Variants in GLMN observed in about 807,000 individuals in gnomAD.
GLMN encodes the protein glomulin.
GLMN carries 75 observed loss-of-function variants against 87.8 expected under a neutral mutation model. The ratio of observed to expected loss-of-function variants is 0.85; its 90% CI spans 0.71 to 1.04. The LOEUF is 1.04. GLMN is among the 50% of genes least tolerant of loss of function. The pLI is 0.00. For synonymous variants in GLMN, 206 were observed against 221.6 expected, an observed-to-expected ratio of 0.93 and a Z score of 0.63; for missense variants, 588 against 658.8, an observed-to-expected ratio of 0.89 and a Z score of 1.18.
chr1:92,357,822 A>T, the GLMN span, among the ~76,000 whole-genome samples: 3 of 152,228 alleles, frequency 2.0e-5, no homozygotes, highest in African/African-American at 7.2e-5. Context: ...GTGAGCCACC[A>T]TACCCTGCCC....
chr1:92,369,715 G>A, the GLMN span, among the ~76,000 whole-genome samples: 4 of 152,042 alleles, frequency 2.6e-5, no homozygotes, highest in Admixed American at 6.6e-5. Flanking sequence ...AATTAAACAG[G>A]TAAGTAATTA....
At chr1:92,354,398 A>G in the GLMN span, among the ~76,000 whole-genome samples, 1 of 152,238 alleles carries the variant, frequency 6.6e-6, no homozygotes, top group South Asian at 2.1e-4. Flanking sequence ...TCCAGCATTC[A>G]TCTGCCAAGC....
chr1:92,326,713 A>C, the GLMN span, among the ~76,000 whole-genome samples: 2 of 152,304 alleles, frequency 1.3e-5, no homozygotes. Flanking sequence ...CTGCTGTGTC[A>C]TGCAGGTTGT....
At chr1:92,290,671 G>C (rs1002228109) in intron 4 of GLMN, among the ~76,000 whole-genome samples, 6 of 152,076 alleles carry the variant, frequency 3.9e-5, no homozygotes, top group African/African-American at 1.4e-4. Flanking sequence ...TGTATTTTTT[G>C]AACAGGTAAA....
intron 6 of GLMN, among the ~76,000 whole-genome samples, chr1:92,287,106 C>T (rs1648852805): frequency 6.6e-6 from 1 of 152,170 alleles, no homozygotes; most frequent in South Asian, 2.1e-4. Context: ...CTAGACTCAA[C>T]ATGCTAAGAC....
chr1:92,350,610 T>C, the GLMN span, among the ~76,000 whole-genome samples: 5 of 152,214 alleles, frequency 3.3e-5, no homozygotes, highest in African/African-American at 1.2e-4. Flanking sequence ...CTTTGATGCA[T>C]GACTTTTAAT....
At chr1:92,324,182 C>G in the GLMN span, 6 of 1,614,140 alleles carry the variant, frequency 3.7e-6, no homozygotes, top group Admixed American at 8.3e-5. Flanking sequence ...AGTCATTTCC[C>G]TGCCTGGAGG....
Position 92,291,534 on chromosome 1 carries a change from T to C in GLMN, c.169A>G (p.Ile57Val), listed in dbSNP as rs1649408850. 1.9e-6 allele frequency: 3 copies of C among 1,613,742 alleles called. No individual in the cohort carries two copies. The highest frequency in any genetic ancestry group is 1.7e-4 in the Middle Eastern group (1 of 6,060). Reference protein sequence around the residue: ...EIIQNEKNKVIIKNMGWNLVG... With the variant: ...EIIQNEKNKVVIKNMGWNLVG... ...AGATTCCAGCCCATATTCTTGATGA[T>C]GACCTGTAAAAACATTTTCAGAGTA... The change falls in exon 4 of 19, where the codon ATC becomes GTC. Residue 57 changes from isoleucine to valine, a missense_variant. Ile to Val is a conservative substitution (Grantham distance 29). Transcript: ENST00000370360.
intron 7 of GLMN, among the ~76,000 whole-genome samples, chr1:92,273,418 T>A (rs1404260431): frequency 6.6e-6 from 1 of 151,970 alleles, no homozygotes; most frequent in Non-Finnish European, 1.5e-5. Context: ...CTACATGTGT[T>A]TTTTCCAGAG....
rs567865310 is a variant in GLMN, at chr1:92,262,844, T to G, written c.1473+19A>C. 3 of 993,742 alleles carry G rather than the reference T, an allele frequency of 3.0e-6. No individual in the cohort carries two copies. The South Asian group carries it at 3.8e-5, about 13-fold the overall frequency. The allele number at this position is 993,742 out of a possible 1,614,324, so 61.6% of individuals were successfully genotyped here. On this transcript the variant is annotated intron_variant, in intron 16 of 18. Transcript: ENST00000370360. ...CCTTTTGAATATACTCACAGTTTCT[T>G]TTCAAATACTTCACTTACTTGATTG...
the GLMN span, among the ~76,000 whole-genome samples, chr1:92,345,379 TAAAAAA>T: frequency 1.4e-5 from 1 of 73,770 alleles, no homozygotes; most frequent in Non-Finnish European, 2.6e-5. Context: ...CCCGTTTCTT[TAAAAAA>T]AAAAAAAAAA....
At chr1:92,353,364 C>T in the GLMN span, among the ~76,000 whole-genome samples, 1 of 152,174 alleles carries the variant, frequency 6.6e-6, no homozygotes, top group African/African-American at 2.4e-5. Flanking sequence ...TCTTGCTTCA[C>T]ACCCAGTAGT....
chr1:92,258,457 T>C (rs1482751828), intron 16 of GLMN, among the ~76,000 whole-genome samples: 1 of 152,198 alleles, frequency 6.6e-6, no homozygotes, highest in Non-Finnish European at 1.5e-5. Context: ...TGCACATGTA[T>C]GTTTACTGCA....
chr1:92,256,485 C>T (rs1654271939), intron 16 of GLMN, among the ~76,000 whole-genome samples: 1 of 152,178 alleles, frequency 6.6e-6, no homozygotes, highest in Admixed American at 6.5e-5. Flanking sequence ...CCCTGATGAA[C>T]ATCAATGCAA....
intron 11 of GLMN, among the ~76,000 whole-genome samples, chr1:92,267,597 G>T (rs143045044): frequency 6.6e-6 from 1 of 151,876 alleles, no homozygotes; most frequent in African/African-American, 2.4e-5. Flanking sequence ...CCAGCTACTC[G>T]GGAGGCTGAG....
chr1:92,356,569 T>C, the GLMN span, among the ~76,000 whole-genome samples: 1 of 146,490 alleles, frequency 6.8e-6, no homozygotes, highest in Non-Finnish European at 1.5e-5. Flanking sequence ...TAGGTGTGTG[T>C]CACCACTCCT....
the GLMN span, chr1:92,336,578 T>A: frequency 3.4e-6 from 2 of 592,204 alleles, no homozygotes; most frequent in East Asian, 5.9e-5. Flanking sequence ...CTAAACAACA[T>A]TATTTCTCTC....
the GLMN span, among the ~76,000 whole-genome samples, chr1:92,354,244 C>T: frequency 3.9e-5 from 6 of 152,116 alleles, no homozygotes; most frequent in Non-Finnish European, 4.4e-5. Context: ...ACCTTAGCAT[C>T]GGGGTCTGCC....
intron 16 of GLMN, among the ~76,000 whole-genome samples, chr1:92,252,414 ATAAATT>A (rs1195903009): frequency 2.6e-5 from 4 of 152,176 alleles, no homozygotes; most frequent in South Asian, 2.1e-4. Flanking sequence ...AAAAATTAAT[ATAAATT>A]TAAATAGTCA....
Sources: gnomAD v4.1 joint callset for allele counts (sites outside exome capture counted in the v4.1 genomes callset) on GRCh38, gnomAD v4.1.1 for gene constraint, MANE v1.5 for transcripts, NCBI Gene and HGNC (gene_info 2026-07-23, HGNC 2026-07-21) for gene names.